The following ADGRB3 variants were observed in gnomAD, a reference collection of about 807,000 sequenced individuals.
ADGRB3 encodes the protein brain-specific angiogenesis inhibitor 3.
In ADGRB3, 37 loss-of-function variants were observed where a neutral mutation model predicts 193.4. The ratio of observed to expected loss-of-function variants is 0.19; its 90% CI spans 0.15 to 0.25. ADGRB3 has a LOEUF of 0.25. Ranked by LOEUF, ADGRB3 falls within the 10% of genes least tolerant of loss-of-function variation. The pLI is 1.00. For missense variants in ADGRB3, 1,637 were observed against 1,852.9 expected, an observed-to-expected ratio of 0.88 and a Z score of 2.14; for synonymous variants, 690 against 644.2, an observed-to-expected ratio of 1.07 and a Z score of -1.08.
At chr6:69,371,467 C>T (rs959000673) in intron 29 of ADGRB3, among the ~76,000 whole-genome samples, 1 of 151,778 alleles carries the variant, frequency 6.6e-6, no homozygotes, top group Non-Finnish European at 1.5e-5. Flanking sequence ...AAAATTTTGC[C>T]CAAAGGTTTG....
At chr6:68,833,387 G>C (rs1399346876) in intron 3 of ADGRB3, among the ~76,000 whole-genome samples, 1 of 151,340 alleles carries the variant, frequency 6.6e-6, no homozygotes, top group Non-Finnish European at 1.5e-5. Flanking sequence ...ACTATTCTTG[G>C]TAATATAAAA....
intron 20 of ADGRB3, among the ~76,000 whole-genome samples, chr6:69,256,082 A>G (rs893244426): frequency 1.3e-5 from 2 of 151,578 alleles, no homozygotes; most frequent in African/African-American, 4.8e-5. Context: ...TGGTACCAGT[A>G]CCATGCTGTT....
At chr6:68,858,980 G>T (rs1045785760) in intron 3 of ADGRB3, among the ~76,000 whole-genome samples, 10 of 152,164 alleles carry the variant, frequency 6.6e-5, no homozygotes, top group Non-Finnish European at 1.3e-4. Context: ...TAGCCAGCTT[G>T]AATTTCTCCC....
intron 17 of ADGRB3, among the ~76,000 whole-genome samples, chr6:69,173,650 G>GTT (rs527592428): frequency 1.4e-4 from 21 of 144,884 alleles, no homozygotes; most frequent in African/African-American, 4.5e-4. Context: ...TTGTAGCATT[G>GTT]TTTTTTTTTT....
At chr6:69,003,962 A>G (rs1430112559) in intron 11 of ADGRB3, among the ~76,000 whole-genome samples, 3 of 152,214 alleles carry the variant, frequency 2.0e-5, no homozygotes, top group Non-Finnish European at 2.9e-5. Flanking sequence ...CAGTAAATAA[A>G]TTAGTTTGGT....
rs192608878 is a variant in ADGRB3 at position 69,091,494 on chromosome 6, A to G, written c.2480+15456A>G. On this transcript the variant is annotated intron_variant, in intron 17 of 31. Coordinates refer to ENST00000370598, the MANE Select transcript of ADGRB3 (RefSeq NM_001704.3). ...ATGAGATCATGTTCTTTGCAGGGAC[A>G]TGGATGGAGCTGGAGGCCATTATCC... Among the ~76,000 whole-genome samples, 18 of 152,326 alleles carry G rather than the reference A, an allele frequency of 1.2e-4. No individual in the cohort carries two copies. The East Asian group carries it at 2.7e-3, about 23-fold the overall frequency.
chr6:69,289,099 G>T (rs902018625), intron 20 of ADGRB3, among the ~76,000 whole-genome samples: 2 of 152,080 alleles, frequency 1.3e-5, no homozygotes, highest in Admixed American at 1.3e-4. Context: ...GACTTTTCAG[G>T]GGTGATCTCC....
At chr6:68,816,605 T>C (rs1190347144) in intron 3 of ADGRB3, among the ~76,000 whole-genome samples, 1 of 152,048 alleles carries the variant, frequency 6.6e-6, no homozygotes, top group African/African-American at 2.4e-5. Context: ...ATTCCTTCTC[T>C]TTACTTTGCC....
At chr6:68,877,381 AT>A (rs35489989) in intron 3 of ADGRB3, among the ~76,000 whole-genome samples, 47,250 of 150,840 alleles carry the variant, frequency 0.31, 7,998 homozygotes, top group East Asian at 0.58. Context: ...AGAATTTAGG[AT>A]TTTTTTTTTA....
chr6:68,935,416 A>G (rs1767460860), intron 4 of ADGRB3, among the ~76,000 whole-genome samples: 1 of 152,224 alleles, frequency 6.6e-6, no homozygotes, highest in South Asian at 2.1e-4. Context: ...ATACATGATC[A>G]TATTCTATCC....
chr6:69,156,225 A>T (rs314208), intron 17 of ADGRB3, among the ~76,000 whole-genome samples: 13,497 of 152,272 alleles, frequency 0.089, 731 homozygotes, highest in Non-Finnish European at 0.11. Flanking sequence ...TAGCAAGATA[A>T]TGGCAGAAAA....
chr6:69,072,366 G>A (rs1036659143), intron 16 of ADGRB3, among the ~76,000 whole-genome samples: 8 of 152,244 alleles, frequency 5.3e-5, no homozygotes, highest in East Asian at 1.9e-4. Flanking sequence ...TAAGAAGTAA[G>A]GGGTGAAGAA....
intron 20 of ADGRB3, among the ~76,000 whole-genome samples, chr6:69,286,928 T>C (rs1767564638): frequency 6.6e-6 from 1 of 152,222 alleles, no homozygotes; most frequent in Non-Finnish European, 1.5e-5. Flanking sequence ...AATGTTAGTG[T>C]AACTAACACA....
chr6:69,146,132 A>T (rs1774485702), intron 17 of ADGRB3, among the ~76,000 whole-genome samples: 1 of 152,056 alleles, frequency 6.6e-6, no homozygotes, highest in Non-Finnish European at 1.5e-5. Context: ...TGTTAGTGCT[A>T]AGGGTCACCT....
At chr6:68,841,122 A>C (rs1768151552) in intron 3 of ADGRB3, among the ~76,000 whole-genome samples, 2 of 152,198 alleles carry the variant, frequency 1.3e-5, no homozygotes, top group Non-Finnish European at 2.9e-5. Flanking sequence ...TTAGAACTAA[A>C]GGGAGATACA....
chr6:68,858,523 G>T (rs1231486666), intron 3 of ADGRB3, among the ~76,000 whole-genome samples: 2 of 142,154 alleles, frequency 1.4e-5, no homozygotes, highest in African/African-American at 2.6e-5. Flanking sequence ...AACACCTGAG[G>T]TTGAGGCTGC....
chr6:68,684,417 A>G (rs1764947785), intron 3 of ADGRB3, among the ~76,000 whole-genome samples: 1 of 152,158 alleles, frequency 6.6e-6, no homozygotes, highest in Non-Finnish European at 1.5e-5. Flanking sequence ...TTTTATAATA[A>G]TCTTGCTAAC....
chr6:69,365,466 T>G (rs976569270), intron 29 of ADGRB3, among the ~76,000 whole-genome samples: 1 of 152,100 alleles, frequency 6.6e-6, no homozygotes, highest in African/African-American at 2.4e-5. Context: ...CATGGTCCCC[T>G]ATGTGGCATC....
At chr6:68,649,246 A>C (rs951979611) in intron 3 of ADGRB3, among the ~76,000 whole-genome samples, 2 of 152,248 alleles carry the variant, frequency 1.3e-5, no homozygotes, top group East Asian at 3.9e-4. Context: ...TTTAGTCCAA[A>C]TCTTACCTGA....
Sources: allele counts gnomAD v4.1 joint callset (sites outside exome capture counted in the v4.1 genomes callset), GRCh38; gene constraint gnomAD v4.1.1; transcripts MANE v1.5; gene names NCBI Gene and HGNC (gene_info 2026-07-23, HGNC 2026-07-21).